The following AFF1 variants were observed in gnomAD, a reference collection of about 807,000 sequenced individuals.
The protein encoded by AFF1 is AF4/FMR2 family member 1.
Under a neutral mutation model 121.7 loss-of-function variants are expected in AFF1, and 48 were observed. The ratio of observed to expected loss-of-function variants is 0.39; its 90% CI spans 0.31 to 0.50. The LOEUF (loss-of-function observed/expected upper bound fraction) is 0.50. Among genes scored for constraint, AFF1 ranks in the 20% least tolerant of loss-of-function variants. The pLI, the probability that AFF1 is intolerant of heterozygous loss-of-function variation, is 0.76. For missense variants in AFF1, 1,523 were observed against 1,511.7 expected (o/e 1.01, Z -0.12); for synonymous variants, 613 against 563.0 (o/e 1.09, Z -1.26).
At chr4:87,005,388 T>C (rs1345850406) in intron 2 of AFF1, among the ~76,000 whole-genome samples, 1 of 152,240 alleles carries the variant, frequency 6.6e-6, no homozygotes, top group Non-Finnish European at 1.5e-5. Context: ...TCTTTAAGTA[T>C]TGGCGAAGCT....
At chr4:86,971,593 T>A (rs1722952121) in intron 2 of AFF1, among the ~76,000 whole-genome samples, 1 of 152,250 alleles carries the variant, frequency 6.6e-6, no homozygotes, top group African/African-American at 2.4e-5. Flanking sequence ...AATTAGAGTT[T>A]GCTTTATCAG....
chr4:87,087,933 C>G (rs946224060), intron 5 of AFF1, among the ~76,000 whole-genome samples: 33 of 152,178 alleles, frequency 2.2e-4, no homozygotes, highest in African/African-American at 7.5e-4. Flanking sequence ...AATAAAACAG[C>G]AGGAAGCTCT....
At chr4:86,941,946 T>G (rs1466663070) in intron 1 of AFF1, among the ~76,000 whole-genome samples, 1 of 146,944 alleles carries the variant, frequency 6.8e-6, no homozygotes, top group South Asian at 2.1e-4. Context: ...AATCCTCCGT[T>G]TTTTTTTTTT....
chr4:86,995,302 C>CGG (rs1725047891), intron 2 of AFF1, among the ~76,000 whole-genome samples: 2 of 131,292 alleles, frequency 1.5e-5, no homozygotes, highest in Admixed American at 1.5e-4. Context: ...CTCTCCCTCC[C>CGG]TCCCCCTCTC....
At chr4:87,122,215 C>T (rs1000210766) in intron 12 of AFF1, among the ~76,000 whole-genome samples, 4 of 152,224 alleles carry the variant, frequency 2.6e-5, no homozygotes, top group African/African-American at 7.2e-5. Context: ...GCTATACTGC[C>T]TTTCATCTAA....
At position 87,136,548 on chromosome 4, in the gene AFF1, A is replaced by G. The variant is rs1413365402; in HGVS notation, c.*847A>G. On this transcript the variant is annotated 3_prime_UTR_variant, in exon 21 of 21. Coordinates refer to ENST00000395146, the MANE Select transcript of AFF1 (RefSeq NM_001166693.3). ...GCTTCAGCGAAAGGGACTCTCTAAC[A>G]GGGCAGTCACTGTTGACTCTATTCT... The G allele has an allele frequency of 1.3e-5, 3 of 231,964 alleles. No homozygotes were observed. In the South Asian group the frequency reaches 5.4e-4, roughly 42 times the overall value. 14.4% of individuals were successfully genotyped at this position (231,964 alleles called of 1,614,324 possible).
intron 5 of AFF1, among the ~76,000 whole-genome samples, chr4:87,089,603 G>A (rs1166038263): frequency 1.3e-5 from 2 of 152,176 alleles, no homozygotes; most frequent in African/African-American, 4.8e-5. Context: ...AGAAGCTGAG[G>A]GAGAAAGAAT....
rs147063470 is a variant in AFF1, at chr4:87,077,841, A to C, written c.1060-6279A>C. Among the ~76,000 whole-genome samples the C allele has an allele frequency of 2.1e-3, 320 of 152,230 alleles. 2 individuals are homozygous for C. Among genetic ancestry groups the C allele is most frequent in the Middle Eastern group, 0.017 (5 of 294 alleles). On this transcript the variant is annotated intron_variant, in intron 4 of 20. Transcript: ENST00000395146. ...TCTTTGTTGTAGTTGCGTAGCATTT[A>C]TTTCTTTCTAGGTGGCATGTACCAT...
In AFF1 at chr4:87,090,027, C is replaced by T. The variant is rs146841231; in HGVS notation, c.1148C>T (p.Thr383Met). 2.7e-5 allele frequency: 44 copies of T among 1,613,910 alleles called. No individual in the cohort carries two copies. Among genetic ancestry groups the T allele is most frequent in the South Asian group, 8.8e-5 (8 of 91,078 alleles). ...CCGCCTCCTTTGACAGCAATACATACGCCTAGTACAGCTGAGCCATCCAAG... is the reference window on the plus strand; with the variant it reads ...CCGCCTCCTTTGACAGCAATACATATGCCTAGTACAGCTGAGCCATCCAAG... ...SWPPPLTAIH[T>M]PSTAEPSKFP... The change falls in exon 6 of 21, where the codon ACG (threonine) becomes ATG (methionine). Residue 383 changes from threonine (T) to methionine (M), a missense_variant. Physicochemically the swap from Thr to Met is moderately conservative, Grantham distance 81. Transcript: ENST00000395146.
chr4:87,000,372 G>A (rs1224248966), intron 2 of AFF1, among the ~76,000 whole-genome samples: 2 of 152,104 alleles, frequency 1.3e-5, no homozygotes, highest in Non-Finnish European at 2.9e-5. Context: ...AGGATACCTC[G>A]GGTTGCATCT....
intron 2 of AFF1, among the ~76,000 whole-genome samples, chr4:87,002,813 C>T (rs1725830134): frequency 6.6e-6 from 1 of 152,138 alleles, no homozygotes; most frequent in South Asian, 2.1e-4. Context: ...TCTGCGGAGC[C>T]TCACGTGCTT....
chr4:87,038,325 C>T (rs557590574), intron 2 of AFF1, among the ~76,000 whole-genome samples: 1 of 152,254 alleles, frequency 6.6e-6, no homozygotes, highest in South Asian at 2.1e-4. Context: ...AAAAAATCTC[C>T]CTTCTTTGAA....
Position 87,134,581 on chromosome 4 carries a change from G to A in AFF1, c.3422G>A (p.Ser1141Asn), listed in dbSNP as rs1729141200. 6.2e-7 allele frequency: 1 copy of A among 1,614,080 alleles called. No homozygotes were observed. The highest frequency in any genetic ancestry group is 8.5e-7 in the Non-Finnish European group (1 of 1,179,976). Reference protein sequence around the residue: ...VGSSGVAATISTPVTIQNMTS... With the variant: ...VGSSGVAATINTPVTIQNMTS... ...AGCAGTGGGGTGGCTGCCACTATCAGCACCCCAGTCACCATCCAGAATATG... is the reference window on the plus strand; with the variant it reads ...AGCAGTGGGGTGGCTGCCACTATCAACACCCCAGTCACCATCCAGAATATG... The change falls in exon 20 of 21, where the codon AGC becomes AAC. Residue 1141 changes from serine (S) to asparagine (N), a missense_variant. This residue lies in a region of AFF1 where 241 missense variants were observed against 265.2 expected (regional missense o/e 0.91). Coordinates refer to ENST00000395146, the MANE Select transcript of AFF1 (RefSeq NM_001166693.3).
At chr4:87,088,025 G>C (rs944105092) in intron 5 of AFF1, among the ~76,000 whole-genome samples, 2 of 152,180 alleles carry the variant, frequency 1.3e-5, no homozygotes, top group African/African-American at 2.4e-5. Flanking sequence ...AGTGCCTTCT[G>C]TGCAGTATTC....
Position 86,985,214 on chromosome 4 carries a change from T to TATAA in AFF1, c.38+36644_38+36645insTAAA, listed in dbSNP as rs1277485096. Among the ~76,000 whole-genome samples, 557 of 104,462 alleles carry TATAA rather than the reference T, an allele frequency of 5.3e-3. 7 individuals carry two copies. The highest frequency in any genetic ancestry group is 9.6e-3 in the African/African-American group (289 of 29,990). The allele number at this position is 104,462 out of a possible 152,430, so 68.5% of individuals were successfully genotyped here. A position where few individuals can be genotyped will look rare whatever the true frequency, so the allele number is the denominator to read the frequency against. ...ATATATATATATATATATATATATATAAAATTATATTTTAGGCCGGGCAGA... is the reference window on the plus strand; with the variant it reads ...ATATATATATATATATATATATATATATAAAAAATTATATTTTAGGCCGGGCAGA... On this transcript the variant is annotated intron_variant, in intron 2 of 20. Transcript: ENST00000395146.
At chr4:87,044,809 G>A (rs1453403220) in intron 2 of AFF1, among the ~76,000 whole-genome samples, 1 of 152,180 alleles carries the variant, frequency 6.6e-6, no homozygotes, top group Non-Finnish European at 1.5e-5. Flanking sequence ...GGGGATGGAC[G>A]TGACTGACTG....
intron 2 of AFF1, among the ~76,000 whole-genome samples, chr4:86,970,828 A>C (rs1722889907): frequency 6.6e-6 from 1 of 152,178 alleles, no homozygotes; most frequent in African/African-American, 2.4e-5. Flanking sequence ...GCTTGTGCAT[A>C]GGCCCTGAGG....
intron 2 of AFF1, chr4:87,007,421 CAAGGT>C (rs1358563782): frequency 6.2e-7 from 1 of 1,613,930 alleles, no homozygotes; most frequent in African/African-American, 1.3e-5. Flanking sequence ...GCAGCCCAGT[CAAGGT>C]AAGCCGTGCA....
chr4:86,941,437 C>T (rs1301809664), intron 1 of AFF1, among the ~76,000 whole-genome samples: 2 of 152,108 alleles, frequency 1.3e-5, no homozygotes, highest in South Asian at 2.1e-4. Flanking sequence ...GCGGGTGGAT[C>T]GCTTGGAAGT....
Sources: allele counts gnomAD v4.1 joint callset (sites outside exome capture counted in the v4.1 genomes callset), GRCh38; gene constraint gnomAD v4.1.1; regional missense constraint gnomAD v4.1.1; transcripts MANE v1.5; gene names NCBI Gene and HGNC (gene_info 2026-07-23, HGNC 2026-07-21).